Variants in UTP6 observed in about 807,000 individuals in gnomAD.
The protein encoded by UTP6 is UTP6 small subunit processome component, also known as U3 small nucleolar RNA-associated protein 6 homolog.
In UTP6, 60 loss-of-function variants were observed where a neutral mutation model predicts 96.5. The ratio of observed to expected loss-of-function variants is 0.62; its 90% CI spans 0.51 to 0.77. The LOEUF is 0.77. Ranked by LOEUF, UTP6 falls within the 30% of genes least tolerant of loss-of-function variation. The pLI, the probability that UTP6 is intolerant of heterozygous loss-of-function variation, is 0.00. For missense variants in UTP6, 637 were observed against 706.5 expected (o/e 0.90, Z 1.12); for synonymous variants, 215 against 240.1 (o/e 0.90, Z 0.96).
intron 11 of UTP6, 123 bp downstream of exon 11, chr17:31,880,450 T>A: frequency 5.3e-5 from 56 of 1,056,648 alleles, no homozygotes; most frequent in Non-Finnish European, 6.8e-5. Flanking sequence ...AAGGCCAGGC[T>A]CATCGTAAAC....
chr17:31,896,917 T>A (rs74442374), intron 2 of UTP6, among the ~76,000 whole-genome samples: 1 of 151,746 alleles, frequency 6.6e-6, no homozygotes, highest in South Asian at 2.1e-4. Context: ...CCTCCAGAAA[T>A]TTGTATTTTG....
chr17:31,880,995 G>C (rs760238777), intron 10 of UTP6, among the ~76,000 whole-genome samples: 34 of 152,136 alleles, frequency 2.2e-4, no homozygotes, highest in South Asian at 6.2e-4. Flanking sequence ...GACCAATATG[G>C]TGAAACCCCA....
Position 31,892,734 on chromosome 17 carries a change from T to C in UTP6, c.360+13A>G, listed in dbSNP as rs747727165. 1.9e-6 allele frequency: 3 copies of C among 1,614,088 alleles called. No homozygotes were observed. Among genetic ancestry groups the C allele is most frequent in the East Asian group, 2.2e-5 (1 of 44,876 alleles). On this transcript the variant is annotated intron_variant, in intron 5 of 18. Coordinates refer to ENST00000261708, the MANE Select transcript of UTP6 (RefSeq NM_018428.3). ...ACGGTCAGAGGAAGCAAGACATGCATGGCTTTACTCACCCACTTCTTACAA... is the reference window on the plus strand; with the variant it reads ...ACGGTCAGAGGAAGCAAGACATGCACGGCTTTACTCACCCACTTCTTACAA...
intron 2 of UTP6, among the ~76,000 whole-genome samples, chr17:31,896,950 T>C (rs1177507328): frequency 6.6e-6 from 1 of 152,078 alleles, no homozygotes; most frequent in Non-Finnish European, 1.5e-5. Context: ...TAAATCAGTC[T>C]TTTCTCTCAT....
At chr17:31,867,727 G>A (rs1909907434) in intron 17 of UTP6, among the ~76,000 whole-genome samples, 1 of 151,990 alleles carries the variant, frequency 6.6e-6, no homozygotes, top group African/African-American at 2.4e-5. Context: ...GGAGTCTGAG[G>A]TGGGCACATC....
chr17:31,900,449 G>A (rs1380050424), intron 1 of UTP6, among the ~76,000 whole-genome samples: 2 of 151,894 alleles, frequency 1.3e-5, no homozygotes, highest in African/African-American at 2.4e-5. Context: ...TCACCACCAC[G>A]CTCAGCTAAT....
intron 7 of UTP6, chr17:31,887,953 CT>C (rs548732121): frequency 1.5e-4 from 15 of 100,932 alleles, no homozygotes; most frequent in African/African-American, 6.0e-4. Context: ...AAGAGTGAGA[CT>C]CCATCTCAAA....
At chr17:31,885,855 C>T in intron 9 of UTP6, 125 bp downstream of exon 9, 1 of 742,486 alleles carries the variant, frequency 1.3e-6, no homozygotes, top group Non-Finnish European at 2.2e-6. Flanking sequence ...CTGAAAGAAA[C>T]AGGACACTAT....
intron 16 of UTP6, among the ~76,000 whole-genome samples, chr17:31,871,146 C>G (rs891304812): frequency 2.6e-5 from 4 of 151,940 alleles, no homozygotes; most frequent in African/African-American, 9.7e-5. Context: ...CCTGCCACCA[C>G]GCCCGGCTAA....
chr17:31,875,139 T>G (rs1309231495), intron 14 of UTP6, 95 bp downstream of exon 14: 68 of 1,427,908 alleles, frequency 4.8e-5, no homozygotes, highest in Non-Finnish European at 6.1e-5. Context: ...CACTCTAGAG[T>G]TGGCTCTCAA....
intron 8 of UTP6, among the ~76,000 whole-genome samples, chr17:31,886,411 C>T (rs2142312323): frequency 6.6e-6 from 1 of 152,314 alleles, no homozygotes; most frequent in East Asian, 1.9e-4. Flanking sequence ...TGCCTATAAT[C>T]CTAGCACTTT....
chr17:31,895,056 A>T, intron 2 of UTP6, 45 bp from the exon 3 acceptor site: 2 of 1,396,664 alleles, frequency 1.4e-6, no homozygotes, highest in South Asian at 2.6e-5. Context: ...TAGAAAATCT[A>T]AAACCTTTTA....
At chr17:31,890,653 C>T (rs1160848448) in intron 6 of UTP6, among the ~76,000 whole-genome samples, 1 of 149,630 alleles carries the variant, frequency 6.7e-6, no homozygotes, top group South Asian at 2.1e-4. Context: ...CTTATCTTAC[C>T]ACAAATAAAA....
At position 31,887,448 on chromosome 17, in the gene UTP6, A is replaced by G. The variant is rs1911217265; in HGVS notation, c.544-135T>C. ...TTTCGGCCATGAATTCCTGCACTCA[A>G]GTGATCCCCTTGCCTCAGCTTCCTG... On this transcript the variant is annotated intron_variant, in intron 7 of 18. Coordinates refer to ENST00000261708, the MANE Select transcript of UTP6 (RefSeq NM_018428.3). 6.1e-6 allele frequency: 4 copies of G among 654,498 alleles called. No homozygotes were observed. In the South Asian group the frequency reaches 7.4e-5, roughly 12 times the overall value. 40.5% of individuals were successfully genotyped at this position (654,498 alleles called of 1,614,324 possible).
Position 31,865,376 on chromosome 17 carries a change from G to C in UTP6, c.1626C>G (p.Ser542=). Residue 542 remains serine, a synonymous_variant, in exon 18 of 19, where the codon TCC becomes TCG. Transcript: ENST00000261708. ...TAAGGGTTTACTTACCAGAATCTGC[G>C]GATCCAAACTCTCTCAAAGCTCTCT... is the stretch of plus-strand genomic sequence containing the variant. ...YYERALREFG[S]ADSDLWMDYM... is the part of the protein sequence containing the mutation. 1.2e-6 allele frequency: 2 copies of C among 1,613,946 alleles called. No individual in the cohort carries two copies. The highest frequency in any genetic ancestry group is 1.7e-6 in the Non-Finnish European group (2 of 1,179,908).
chr17:31,894,695 T>G lies in UTP6; in HGVS notation c.262A>C (p.Ile88Leu), dbSNP rs202236562. 43 of 1,611,820 alleles carry G rather than the reference T, an allele frequency of 2.7e-5. No individual in the cohort carries two copies. The East Asian group carries it at 9.1e-4, about 34-fold the overall frequency. Residue 88 changes from isoleucine to leucine, a missense_variant, in exon 4 of 19, where the codon ATT becomes CTT. Coordinates refer to ENST00000261708, the MANE Select transcript of UTP6 (RefSeq NM_018428.3). ...SFKKDEIENS[I>L]VHRVQGVFQR... ...AAAACACCTTGTACCCGGTGTACAA[T>G]AGAATTCTCAATCTCATCCTTCTTA...
intron 6 of UTP6, among the ~76,000 whole-genome samples, chr17:31,891,413 G>A (rs1911483269): frequency 6.6e-6 from 1 of 152,166 alleles, no homozygotes. Flanking sequence ...CATACCTAAG[G>A]CTATCCTGCT....
At chr17:31,880,899 C>T in intron 10 of UTP6, 145 bp from the exon 11 acceptor site, 2 of 1,145,042 alleles carry the variant, frequency 1.7e-6, no homozygotes, top group Non-Finnish European at 1.2e-6. Context: ...CCAGGCCGGG[C>T]CCGGTGGCTC....
rs557881854 is a variant in UTP6 at position 31,877,225 on chromosome 17, T to C, written c.1125+1025A>G. ...ACATTAACAAATATGGTCCAAAAAA[T>C]ACATGAATGAAAGGAAATTTTACCT... On this transcript the variant is annotated intron_variant, in intron 13 of 18. Coordinates refer to ENST00000261708, the MANE Select transcript of UTP6 (RefSeq NM_018428.3). Among the ~76,000 whole-genome samples, 7 of 152,220 alleles carry C rather than the reference T, an allele frequency of 4.6e-5. No individual in the cohort carries two copies. In the South Asian group the frequency reaches 1.5e-3, roughly 32 times the overall value.
Sources: gnomAD v4.1 joint callset for allele counts (sites outside exome capture counted in the v4.1 genomes callset) on GRCh38, gnomAD v4.1.1 for gene constraint, MANE v1.5 for transcripts, NCBI Gene and HGNC (gene_info 2026-07-23, HGNC 2026-07-21) for gene names.